Variants in SORBS2 observed in about 807,000 individuals in gnomAD.
SORBS2 encodes the protein sorbin and SH3 domain-containing protein 2.
A neutral mutation model predicts 97.7 loss-of-function variants in SORBS2; 46 were observed. The observed-to-expected ratio is 0.47, with a 90% CI of 0.37 to 0.60. The LOEUF is 0.60. Among genes scored for constraint, SORBS2 ranks in the 20% least tolerant of loss-of-function variants. The probability of loss-of-function intolerance (pLI) is 0.00; values close to 1 mark genes in which losing one functional copy is unlikely to be tolerated. For missense variants in SORBS2, 1,316 were observed against 1,282.3 expected (o/e 1.03, Z -0.40); for synonymous variants, 476 against 473.4 (o/e 1.01, Z -0.07).
intron 1 of SORBS2, among the ~76,000 whole-genome samples, chr4:185,655,430 T>C (rs2097382658): frequency 6.6e-6 from 1 of 152,192 alleles, no homozygotes; most frequent in Admixed American, 6.5e-5. Context: ...TGACTTGACA[T>C]TTATAACCAC....
At chr4:185,781,216 CA>C (rs1214073715) in intron 1 of SORBS2, among the ~76,000 whole-genome samples, 5 of 152,224 alleles carry the variant, frequency 3.3e-5, no homozygotes, top group African/African-American at 7.2e-5. Context: ...AAATTACAGG[CA>C]TGAGCCACGG....
intron 1 of SORBS2, among the ~76,000 whole-genome samples, chr4:185,918,756 C>T (rs1561300390): frequency 6.6e-6 from 1 of 152,216 alleles, no homozygotes; most frequent in Non-Finnish European, 1.5e-5. Flanking sequence ...CATTATTAAA[C>T]TCTCACTGAA....
At chr4:185,652,543 A>G (rs1256431437) in intron 2 of SORBS2, 119 bp downstream of exon 10, 1 of 784,854 alleles carries the variant, frequency 1.3e-6, no homozygotes, top group African/African-American at 1.7e-5. Flanking sequence ...GCTGAAAAGA[A>G]AGGGGACACG....
At chr4:185,618,655 G>T in intron 8 of SORBS2, 24 bp from the exon 21 acceptor site, 1 of 1,488,252 alleles carries the variant, frequency 6.7e-7, no homozygotes. Flanking sequence ...TAAACAATTA[G>T]CACTAATTTA....
At chr4:185,685,686 C>T (rs886687424) in intron 2 of SORBS2, among the ~76,000 whole-genome samples, 1 of 152,130 alleles carries the variant, frequency 6.6e-6, no homozygotes, top group African/African-American at 2.4e-5. Context: ...CACACACCGG[C>T]TAACGTTTTA....
intron 1 of SORBS2, among the ~76,000 whole-genome samples, chr4:185,793,442 G>A (rs982125794): frequency 7.2e-5 from 11 of 152,202 alleles, no homozygotes; most frequent in African/African-American, 2.7e-4. Context: ...GGGACCAGAA[G>A]ATACAAGAGT....
At chr4:185,655,203 C>T (rs2097378151) in intron 1 of SORBS2, among the ~76,000 whole-genome samples, 1 of 152,174 alleles carries the variant, frequency 6.6e-6, no homozygotes, top group African/African-American at 2.4e-5. Context: ...CTCAAAAGTA[C>T]TGTTTGTTGA....
chr4:185,627,378 T>G (rs2096833452), intron 5 of SORBS2, among the ~76,000 whole-genome samples: 1 of 152,016 alleles, frequency 6.6e-6, no homozygotes, highest in African/African-American at 2.4e-5. Context: ...CCTGGCTAAT[T>G]TTTTTAAATT....
intron 13 of SORBS2, 115 bp downstream of exon 25, chr4:185,593,771 C>T (rs2096015995): frequency 7.1e-6 from 5 of 705,030 alleles, no homozygotes; most frequent in African/African-American, 5.5e-5. Context: ...ATTTAAGAGG[C>T]CTCATGTTAG....
chr4:185,824,460 C>T (rs1292200103), intron 1 of SORBS2, among the ~76,000 whole-genome samples: 1 of 152,170 alleles, frequency 6.6e-6, no homozygotes, highest in African/African-American at 2.4e-5. Flanking sequence ...ATTCACAAGT[C>T]CTGGGGTTAG....
Position 185,734,358 on chromosome 4 carries a change from A to G in SORBS2, c.-198+40869T>C, listed in dbSNP as rs146016814. 4.6e-5 allele frequency among the ~76,000 whole-genome samples: 7 copies of G among 152,358 alleles called. No individual in the cohort carries two copies. The East Asian group carries it at 7.7e-4, about 17-fold the overall frequency. ...ATACTTACTGTTTTTAGTTTGTTAC[A>G]TACTACAATTAGTCACCATTAGCTA... On this transcript the variant is annotated intron_variant, in intron 2 of 20. Coordinates refer to the SORBS2 transcript ENST00000284776.
intron 1 of SORBS2, among the ~76,000 whole-genome samples, chr4:185,874,013 C>T (rs2099231923): frequency 6.6e-6 from 1 of 152,110 alleles, no homozygotes; most frequent in East Asian, 1.9e-4. Flanking sequence ...AACTGAAGAG[C>T]ATCCTGTAAC....
intron 2 of SORBS2, among the ~76,000 whole-genome samples, chr4:185,712,313 C>T (rs532900583): frequency 5.9e-5 from 9 of 152,182 alleles, no homozygotes; most frequent in Non-Finnish European, 1.0e-4. Context: ...AAGAATCCAG[C>T]CAGAGACAGC....
rs1160913128 is a variant in SORBS2, at chr4:185,615,257, T to C, written c.2352-98A>G. ...ATCTGCATTTGTTTGGCAAATATAC[T>C]TACAATATTAAAAAATCCAATTGAT... On this transcript the variant is annotated intron_variant, in intron 9 of 14. Coordinates refer to ENST00000418609, the Ensembl canonical transcript of SORBS2. 3 of 735,102 alleles carry C rather than the reference T, an allele frequency of 4.1e-6. No individual in the cohort carries two copies. The African/African-American group carries it at 5.2e-5, about 13-fold the overall frequency. The allele number at this position is 735,102 out of a possible 1,614,324, so 45.5% of individuals were successfully genotyped here. A position where few individuals can be genotyped will look rare whatever the true frequency, so the allele number is the denominator to read the frequency against.
chr4:185,851,546 T>A (rs1311877473), intron 1 of SORBS2, among the ~76,000 whole-genome samples: 1 of 152,126 alleles, frequency 6.6e-6, no homozygotes, highest in African/African-American at 2.4e-5. Flanking sequence ...TTGTGATGGT[T>A]AATACTGAGT....
chr4:185,701,122 T>C (rs2098255641), intron 2 of SORBS2, among the ~76,000 whole-genome samples: 1 of 152,222 alleles, frequency 6.6e-6, no homozygotes, highest in African/African-American at 2.4e-5. Context: ...GAAATCCTAC[T>C]CAGTCTGATC....
intron 1 of SORBS2, among the ~76,000 whole-genome samples, chr4:185,862,583 C>T (rs2099224477): frequency 6.6e-6 from 1 of 152,180 alleles, no homozygotes; most frequent in Admixed American, 6.5e-5. Flanking sequence ...TTAACTAAGC[C>T]CTTGACTTCT....
intron 1 of SORBS2, among the ~76,000 whole-genome samples, chr4:185,937,614 G>T (rs898296856): frequency 5.9e-5 from 9 of 152,062 alleles, no homozygotes; most frequent in Non-Finnish European, 1.3e-4. Context: ...ATTTAGCAGG[G>T]CTCTACATCC....
At chr4:185,723,502 G>A (rs1401208804) in intron 2 of SORBS2, among the ~76,000 whole-genome samples, 2 of 152,180 alleles carry the variant, frequency 1.3e-5, no homozygotes, top group Non-Finnish European at 1.5e-5. Context: ...GAGAAGAAAG[G>A]ACAGCCCGTA....
Sources: gnomAD v4.1 joint callset for allele counts (sites outside exome capture counted in the v4.1 genomes callset) on GRCh38, gnomAD v4.1.1 for gene constraint, MANE v1.5 for transcripts, NCBI Gene and HGNC (gene_info 2026-07-23, HGNC 2026-07-21) for gene names.